The following GEMIN2 variants were observed in gnomAD, a reference collection of about 807,000 sequenced individuals.
The protein encoded by GEMIN2 is gem-associated protein 2.
Under a neutral mutation model 45.8 loss-of-function variants are expected in GEMIN2, and 37 were observed. The observed-to-expected ratio is 0.81, with a 90% CI of 0.62 to 1.06. The LOEUF is 1.06. Among genes scored for constraint, GEMIN2 ranks in the 50% least tolerant of loss-of-function variants. The pLI is 0.00. For missense variants in GEMIN2, 335 were observed against 321.8 expected (o/e 1.04, Z -0.31); for synonymous variants, 101 against 111.5 (o/e 0.91, Z 0.60).
intron 9 of GEMIN2, among the ~76,000 whole-genome samples, chr14:39,135,962 T>G (rs906676807): frequency 3.9e-5 from 6 of 152,144 alleles, no homozygotes; most frequent in Non-Finnish European, 7.3e-5. Flanking sequence ...GGCTCAAGCC[T>G]GTAATTCCAG....
intron 9 of GEMIN2, among the ~76,000 whole-genome samples, chr14:39,135,947 G>C (rs1181073162): frequency 6.6e-6 from 1 of 151,972 alleles, no homozygotes; most frequent in Non-Finnish European, 1.5e-5. Context: ...TAGGCCGCAT[G>C]TGGTGGCTCA....
At chr14:39,136,132 C>T (rs555989115) in intron 9 of GEMIN2, among the ~76,000 whole-genome samples, 1 of 152,228 alleles carries the variant, frequency 6.6e-6, no homozygotes, top group South Asian at 2.1e-4. Flanking sequence ...CGTATATTGG[C>T]AGTCCTACAC....
At chr14:39,124,419 T>C (rs1398553731) in intron 5 of GEMIN2, among the ~76,000 whole-genome samples, 1 of 144,906 alleles carries the variant, frequency 6.9e-6, no homozygotes, top group Non-Finnish European at 1.6e-5. Context: ...AGTACTATCA[T>C]GTAAAAAATT....
intron 3 of GEMIN2, 63 bp downstream of exon 3, chr14:39,118,151 C>G (rs1476010360): frequency 1.3e-6 from 1 of 786,596 alleles, no homozygotes; most frequent in Admixed American, 2.8e-5. Context: ...TAGACTGTAG[C>G]TGGAAAAATA....
Position 39,124,985 on chromosome 14 carries a change from CTT to C in GEMIN2, c.487-5_487-4del. Reference sequence around the variant, plus strand: ...TTAGTAAAATTCAGTCTCATTTTTTCTTTCAGATTGGTTTTCCTCCCTTGCTT... The same window carrying C: ...TTAGTAAAATTCAGTCTCATTTTTTCTCAGATTGGTTTTCCTCCCTTGCTT... On this transcript the variant is annotated splice_polypyrimidine_tract_variant and splice_region_variant and intron_variant, in intron 5 of 9. Coordinates refer to ENST00000308317, the MANE Select transcript of GEMIN2 (RefSeq NM_003616.3). 6.9e-7 allele frequency: 1 copy of C among 1,448,052 alleles called. No individual in the cohort carries two copies. 89.7% of individuals were successfully genotyped at this position (1,448,052 alleles called of 1,614,324 possible).
In GEMIN2 at chr14:39,128,357, G is replaced by T; in HGVS notation, c.600+9G>T. 6.6e-7 allele frequency: 1 copy of T among 1,505,322 alleles called. No individual in the cohort carries two copies. The allele number at this position is 1,505,322 out of a possible 1,614,324, so 93.2% of individuals were successfully genotyped here. A position where few individuals can be genotyped will look rare whatever the true frequency, so the allele number is the denominator to read the frequency against. ...ACTTTACTCCAGAATTGGTAGTATT[G>T]CATGTTTTTCTTTTCATAATGTAGG... On this transcript the variant is annotated intron_variant, in intron 7 of 9. Coordinates refer to ENST00000308317, the MANE Select transcript of GEMIN2 (RefSeq NM_003616.3).
chr14:39,131,970 T>A lies in GEMIN2; in HGVS notation c.613T>A (p.Tyr205Asn). ...AATTTTTTTTTAGGGAAGATGGCTT[T>A]ATGCTTTATTGGCTTGTCTTGAAAA... ...DFTPELGRWL[Y>N]ALLACLEKPL... The change falls in exon 8 of 10, where the codon TAT becomes AAT. Residue 205 changes from tyrosine to asparagine, a missense_variant. Physicochemically the swap from Tyr to Asn is moderately radical, Grantham distance 143. Transcript: ENST00000308317. 2 of 1,570,966 alleles carry A rather than the reference T, an allele frequency of 1.3e-6. No homozygotes were observed. Among genetic ancestry groups the A allele is most frequent in the Non-Finnish European group, 1.8e-6 (2 of 1,142,688 alleles).
rs982671447 is a variant in GEMIN2 at position 39,136,824 on chromosome 14, A to C, written c.*345A>C. 16 of 177,072 alleles carry C rather than the reference A, an allele frequency of 9.0e-5. No homozygotes were observed. Among genetic ancestry groups the C allele is most frequent in the Non-Finnish European group, 2.4e-5 (2 of 85,062 alleles). The allele number at this position is 177,072 out of a possible 1,614,324, so 11.0% of individuals were successfully genotyped here. On this transcript the variant is annotated 3_prime_UTR_variant, in exon 10 of 10. Coordinates refer to ENST00000308317, the MANE Select transcript of GEMIN2 (RefSeq NM_003616.3). ...TTGTTATTTACTTATATACATATAAAATTTTATTGAAAATATGTTTTGGTT... is the reference window on the plus strand; with the variant it reads ...TTGTTATTTACTTATATACATATAACATTTTATTGAAAATATGTTTTGGTT...
chr14:39,115,456 C>CTTTTTTTTTTTTTTTTT (rs35142656), intron 2 of GEMIN2, among the ~76,000 whole-genome samples: 1 of 123,868 alleles, frequency 8.1e-6, no homozygotes, highest in Non-Finnish European at 1.6e-5. Context: ...ATGTCTTACA[C>CTTTTTTTTTTTTTTTTT]TTTTTTTTTT....
chr14:39,135,218 TG>T (rs1253820721), intron 9 of GEMIN2, among the ~76,000 whole-genome samples: 1 of 152,078 alleles, frequency 6.6e-6, no homozygotes, highest in African/African-American at 2.4e-5. Context: ...TAGATAAAAA[TG>T]GAAAAAGTTC....
At chr14:39,114,598 A>G (rs45534434) in intron 1 of GEMIN2, 123 bp downstream of exon 1, 8,223 of 744,872 alleles carry the variant, frequency 0.011, 63 homozygotes, top group Admixed American at 0.015. Flanking sequence ...TCTGGATTAC[A>G]TCCTAACGTG....
chr14:39,115,983 A>G (rs1245764082), intron 2 of GEMIN2, among the ~76,000 whole-genome samples: 1 of 152,184 alleles, frequency 6.6e-6, no homozygotes, highest in East Asian at 1.9e-4. Flanking sequence ...GAAAATAAGC[A>G]TGTATAATAA....
intron 9 of GEMIN2, among the ~76,000 whole-genome samples, chr14:39,135,734 G>C (rs2052773953): frequency 6.6e-6 from 1 of 152,118 alleles, no homozygotes; most frequent in Non-Finnish European, 1.5e-5. Flanking sequence ...TCTGATTAGT[G>C]ATTTTCCTTT....
intron 7 of GEMIN2, 139 bp from the exon 8 acceptor site, chr14:39,131,819 G>T: frequency 1.8e-6 from 1 of 562,974 alleles, no homozygotes; most frequent in Non-Finnish European, 3.1e-6. Context: ...AGGCTTTCTT[G>T]TCTATACCCA....
chr14:39,136,099 GAA>G (rs1221428629), intron 9 of GEMIN2, among the ~76,000 whole-genome samples: 1 of 151,934 alleles, frequency 6.6e-6, no homozygotes, highest in East Asian at 1.9e-4. Context: ...TCTCAAAAAG[GAA>G]AAGAAAAATA....
At chr14:39,134,833 T>C (rs1566538779) in intron 9 of GEMIN2, among the ~76,000 whole-genome samples, 2 of 152,198 alleles carry the variant, frequency 1.3e-5, no homozygotes, top group Admixed American at 1.3e-4. Context: ...GGAGCTAAAC[T>C]TTTAACTATG....
chr14:39,122,353 C>G (rs568759031), intron 4 of GEMIN2, 77 bp from the exon 5 acceptor site: 2 of 726,764 alleles, frequency 2.8e-6, no homozygotes, highest in African/African-American at 3.6e-5. Context: ...TATGGAAGGA[C>G]TTAACTTCTT....
intron 8 of GEMIN2, among the ~76,000 whole-genome samples, chr14:39,133,028 ATATATATATATCTT>A (rs1226515142): frequency 3.7e-4 from 45 of 122,738 alleles, no homozygotes; most frequent in Middle Eastern, 4.3e-3. Context: ...GTGTGTGTGT[ATATATATATATCTT>A]TATATATATA....
chr14:39,133,528 GCTC>G, intron 8 of GEMIN2, 130 bp from the exon 9 acceptor site: 5 of 423,102 alleles, frequency 1.2e-5, no homozygotes, highest in Non-Finnish European at 2.1e-5. Flanking sequence ...TTCTTTGAGG[GCTC>G]CTATTTCCAC....
Sources: allele counts gnomAD v4.1 joint callset (sites outside exome capture counted in the v4.1 genomes callset), GRCh38; gene constraint gnomAD v4.1.1; transcripts MANE v1.5; gene names NCBI Gene and HGNC (gene_info 2026-07-23, HGNC 2026-07-21).